Variants in STAB2 observed in about 807,000 individuals in gnomAD.
STAB2 encodes the protein stabilin 2.
In STAB2, 288 loss-of-function variants were observed where a neutral mutation model predicts 338.1. The ratio of observed to expected loss-of-function variants is 0.85; its 90% CI spans 0.77 to 0.94. STAB2 has a LOEUF of 0.94. Among genes scored for constraint, STAB2 ranks in the 40% least tolerant of loss-of-function variants. The pLI, the probability that STAB2 is intolerant of heterozygous loss-of-function variation, is 0.00. For missense variants in STAB2, 3,141 were observed against 3,210.1 expected (o/e 0.98, Z 0.52); for synonymous variants, 1,202 against 1,193.3 (o/e 1.01, Z -0.15).
rs773933964 is a variant in STAB2, at chr12:103,699,206, C to T, written c.3693C>T (p.Ser1231=). 6.2e-7 allele frequency: 1 copy of T among 1,612,886 alleles called. No homozygotes were observed. ...TGCTGGGTTTCTCCTATTTCCTTAG[C>T]TTCTTTCTCCATAATGACCAGGTAC... is the stretch of plus-strand genomic sequence containing the variant. The part of the protein sequence containing the change: ...ETMLGFSYFL[S]FFLHNDQLYV... Residue 1231 remains serine (S), a synonymous_variant, in exon 34 of 69, where the codon AGC becomes AGT. Transcript: ENST00000388887.
Position 103,617,182 on chromosome 12 carries a change from C to G in STAB2, c.332-3286C>G, listed in dbSNP as rs1046908894. ...ATCTCTTCCCCTGACAACCCTTATC[C>G]CAGTCCATCAATCAGTATTACCGGA... On this transcript the variant is annotated intron_variant, in intron 3 of 68. Transcript: ENST00000388887. Among the ~76,000 whole-genome samples, 3 of 152,262 alleles carry G rather than the reference C, an allele frequency of 2.0e-5. No homozygotes were observed. In the East Asian group the frequency reaches 5.8e-4, roughly 29 times the overall value.
At chr12:103,595,692 A>C (rs1408300139) in intron 3 of STAB2, among the ~76,000 whole-genome samples, 1 of 152,166 alleles carries the variant, frequency 6.6e-6, no homozygotes. Context: ...TTTGAGTTAG[A>C]CATTTTTATC....
intron 60 of STAB2, among the ~76,000 whole-genome samples, 178 bp from the exon 61 acceptor site, chr12:103,753,042 T>C (rs1313344935): frequency 6.6e-6 from 1 of 152,244 alleles, no homozygotes; most frequent in Non-Finnish European, 1.5e-5. Context: ...GCTAGTTTTA[T>C]AGTTAGAAAA....
At chr12:103,735,904 A>T (rs1017495681) in intron 52 of STAB2, among the ~76,000 whole-genome samples, 1 of 152,158 alleles carries the variant, frequency 6.6e-6, no homozygotes, top group Non-Finnish European at 1.5e-5. Context: ...GAAAGTATAC[A>T]GTCATTCCTT....
intron 36 of STAB2, among the ~76,000 whole-genome samples, chr12:103,705,421 T>G (rs1443580448): frequency 6.6e-6 from 1 of 152,244 alleles, no homozygotes; most frequent in Non-Finnish European, 1.5e-5. Context: ...CTTTAAAGTA[T>G]AATTATTGGA....
chr12:103,591,129 A>G, intron 2 of STAB2, 99 bp downstream of exon 2: 1 of 1,527,682 alleles, frequency 6.5e-7, no homozygotes, highest in South Asian at 1.2e-5. Flanking sequence ...CTCTTGCTCT[A>G]AGACAATAAG....
At position 103,690,528 on chromosome 12, in the gene STAB2, A is replaced by G; in HGVS notation, c.3287A>G (p.Lys1096Arg). The G allele has an allele frequency of 6.2e-7, 1 of 1,613,996 alleles. No homozygotes were observed. The highest frequency in any genetic ancestry group is 8.5e-7 in the Non-Finnish European group (1 of 1,179,888). ...SLQGNFLHLA[K>R]VDGNITIEGA... ...CAGGGCAACTTCCTTCACTTGGCAA[A>G]GGTGGATGGGGTAAGAGCTCTGGAA... is the stretch of plus-strand genomic sequence containing the variant. The change falls in exon 30 of 69, where the codon AAG becomes AGG. Residue 1096 changes from lysine (K) to arginine (R), a missense_variant. Coordinates refer to ENST00000388887, the MANE Select transcript of STAB2 (RefSeq NM_017564.10).
intron 49 of STAB2, among the ~76,000 whole-genome samples, chr12:103,730,709 G>A (rs192259903): frequency 2.6e-4 from 39 of 152,144 alleles, no homozygotes; most frequent in East Asian, 1.4e-3. Flanking sequence ...AGCCTAATTC[G>A]GATGCTACAC....
At chr12:103,632,658 G>A (rs1326098213) in intron 6 of STAB2, among the ~76,000 whole-genome samples, 2 of 152,168 alleles carry the variant, frequency 1.3e-5, no homozygotes, top group African/African-American at 4.8e-5. Flanking sequence ...TGGGTGCACC[G>A]CTGGGGCAGA....
chr12:103,629,441 T>C (rs1373053716), intron 5 of STAB2, among the ~76,000 whole-genome samples: 1 of 152,162 alleles, frequency 6.6e-6, no homozygotes, highest in African/African-American at 2.4e-5. Context: ...GCTCTCCTGG[T>C]GGTCTTCAGC....
chr12:103,675,171 A>T (rs1039656215), intron 23 of STAB2, among the ~76,000 whole-genome samples: 1 of 152,226 alleles, frequency 6.6e-6, no homozygotes, highest in Admixed American at 6.5e-5. Context: ...CTGAATTTGC[A>T]GTAAGACCTG....
chr12:103,705,860 T>G, intron 37 of STAB2, 133 bp downstream of exon 37: 1 of 793,928 alleles, frequency 1.3e-6, no homozygotes, highest in Admixed American at 2.1e-5. Flanking sequence ...GCATTATCAT[T>G]GTCATCCAAT....
At chr12:103,678,271 C>T (rs1876571052) in intron 25 of STAB2, among the ~76,000 whole-genome samples, 1 of 152,112 alleles carries the variant, frequency 6.6e-6, no homozygotes, top group South Asian at 2.1e-4. Flanking sequence ...TTTTAAAGAC[C>T]TACAAATTAT....
chr12:103,755,090 T>C (rs1319311496), intron 61 of STAB2: 5 of 588,126 alleles, frequency 8.5e-6, no homozygotes, highest in Non-Finnish European at 1.5e-5. Flanking sequence ...CCTGGGCACC[T>C]ACAAGAAAGA....
chr12:103,675,129 A>G (rs1876213613), intron 23 of STAB2, among the ~76,000 whole-genome samples: 1 of 152,196 alleles, frequency 6.6e-6, no homozygotes, highest in Non-Finnish European at 1.5e-5. Flanking sequence ...CATGAAATAT[A>G]TATTTTTTTA....
In STAB2 at chr12:103,762,289, G is replaced by A; in HGVS notation, c.7375G>A (p.Gly2459Ser). The change falls in exon 67 of 69, where the codon GGC becomes AGC. Residue 2459 changes from glycine (G) to serine (S), a missense_variant. Physicochemically the swap from Gly to Ser is moderately conservative, Grantham distance 56. Transcript: ENST00000388887. ...PPAPVTLTHTGLGAGIFFAII... is the reference protein window; with the variant it reads ...PPAPVTLTHTSLGAGIFFAII... ...TTGTGTTCAGACCTTGACCCACACTGGCTTGGGAGCAGGGATCTTCTTTGC... is the reference window on the plus strand; with the variant it reads ...TTGTGTTCAGACCTTGACCCACACTAGCTTGGGAGCAGGGATCTTCTTTGC... The A allele has an allele frequency of 6.2e-7, 1 of 1,614,214 alleles. No individual in the cohort carries two copies.
chr12:103,741,072 A>G (rs1428655379), intron 55 of STAB2, among the ~76,000 whole-genome samples: 1 of 152,124 alleles, frequency 6.6e-6, no homozygotes, highest in Non-Finnish European at 1.5e-5. Flanking sequence ...GATTTCCATG[A>G]TATTGATAAG....
intron 42 of STAB2, among the ~76,000 whole-genome samples, chr12:103,713,983 T>C (rs1880096513): frequency 6.6e-6 from 1 of 152,232 alleles, no homozygotes; most frequent in Non-Finnish European, 1.5e-5. Flanking sequence ...AGGAGATACA[T>C]TTTCCAATTA....
In STAB2 at chr12:103,687,196, G is replaced by T. The variant is rs189970276; in HGVS notation, c.2998-972G>T. On this transcript the variant is annotated intron_variant, in intron 27 of 68. Coordinates refer to ENST00000388887, the MANE Select transcript of STAB2 (RefSeq NM_017564.10). The stretch of plus-strand genomic sequence containing the variant: ...TAATTTTCATAATCCCTGGAGCAAG[G>T]TTTCACCATATTCATTTTCAGATAA... Among the ~76,000 whole-genome samples, 798 of 152,066 alleles carry T rather than the reference G, an allele frequency of 5.2e-3. 7 individuals carry two copies. Among genetic ancestry groups the T allele is most frequent in the African/African-American group, 0.018 (760 of 41,448 alleles).
Sources: gnomAD v4.1 joint callset for allele counts (sites outside exome capture counted in the v4.1 genomes callset) on GRCh38, gnomAD v4.1.1 for gene constraint, MANE v1.5 for transcripts, NCBI Gene and HGNC (gene_info 2026-07-23, HGNC 2026-07-21) for gene names.